The following TIMD4 variants were observed in gnomAD, a reference collection of about 807,000 sequenced individuals.
TIMD4 encodes the protein T cell immunoglobulin and mucin domain containing 4.
Under a neutral mutation model 41.2 loss-of-function variants are expected in TIMD4, and 31 were observed. The ratio of observed to expected loss-of-function variants is 0.75; its 90% confidence interval spans 0.57 to 1.01. The LOEUF is 1.01. TIMD4 is among the 50% of genes least tolerant of loss of function. TIMD4 has a pLI of 0.00. For synonymous variants in TIMD4, 204 were observed against 177.1 expected (o/e 1.15, Z -1.21); for missense variants, 479 against 472.5 (o/e 1.01, Z -0.13).
intron 1 of TIMD4, among the ~76,000 whole-genome samples, chr5:156,956,114 T>A (rs746947658): frequency 6.6e-6 from 1 of 152,168 alleles, no homozygotes; most frequent in Non-Finnish European, 1.5e-5. Context: ...TTAATCAACA[T>A]CTCCCCTTTC....
intron 2 of TIMD4, 34 bp from the exon 3 acceptor site, chr5:156,951,824 C>T (rs374465220): frequency 4.3e-5 from 69 of 1,610,320 alleles, no homozygotes; most frequent in Non-Finnish European, 5.3e-5. Context: ...TGGCACCAAG[C>T]GGAGATGGAG....
chr5:156,925,194 C>A (rs1759324024), intron 6 of TIMD4, among the ~76,000 whole-genome samples: 1 of 152,176 alleles, frequency 6.6e-6, no homozygotes, highest in Non-Finnish European at 1.5e-5. Flanking sequence ...CCTGTAATCC[C>A]AGCTACTCAG....
chr5:156,955,485 T>C (rs1759954922), intron 1 of TIMD4, among the ~76,000 whole-genome samples: 1 of 152,004 alleles, frequency 6.6e-6, no homozygotes, highest in Non-Finnish European at 1.5e-5. Flanking sequence ...TGAAACCCCG[T>C]CTCTACTAAA....
At chr5:156,947,909 T>C (rs1759773723) in intron 5 of TIMD4, among the ~76,000 whole-genome samples, 1 of 152,224 alleles carries the variant, frequency 6.6e-6, no homozygotes, top group South Asian at 2.1e-4. Context: ...TAGTGTGACA[T>C]TTGTGTAATT....
At chr5:156,951,404 A>G (rs1360127087) in intron 3 of TIMD4, 108 bp downstream of exon 3, 1 of 1,324,962 alleles carries the variant, frequency 7.5e-7, no homozygotes, top group Non-Finnish European at 1.0e-6. Context: ...TAATATACGC[A>G]TGTGTACACG....
chr5:156,922,754 C>CAG (rs1759267635), intron 6 of TIMD4, among the ~76,000 whole-genome samples: 1 of 150,040 alleles, frequency 6.7e-6, no homozygotes, highest in Admixed American at 6.7e-5. Context: ...GATGTCATTG[C>CAG]TGTCACTTAC....
In TIMD4 at chr5:156,948,173, T is replaced by G. The variant is rs1759779093; in HGVS notation, c.844+243A>C. On this transcript the variant is annotated intron_variant, in intron 5 of 8. Coordinates refer to ENST00000274532, the MANE Select transcript of TIMD4 (RefSeq NM_138379.3). ...CAAGACAACCAGATAGATGACAGAT[T>G]GTTTCCACATCCAAAGACAAGCCAC... Among the ~76,000 whole-genome samples, 6 of 152,096 alleles carry G rather than the reference T, an allele frequency of 3.9e-5. No homozygotes were observed. In the South Asian group the frequency reaches 1.2e-3, roughly 32 times the overall value.
intron 1 of TIMD4, among the ~76,000 whole-genome samples, chr5:156,957,764 G>C (rs924506969): frequency 6.6e-6 from 1 of 152,040 alleles, no homozygotes; most frequent in Non-Finnish European, 1.5e-5. Context: ...GGAGTTTGAG[G>C]CTGCAGTGAG....
intron 5 of TIMD4, among the ~76,000 whole-genome samples, chr5:156,936,875 T>A (rs993320465): frequency 1.4e-5 from 2 of 142,532 alleles, no homozygotes; most frequent in African/African-American, 5.4e-5. Context: ...GAGGTTGCAG[T>A]GAGCCGAGAT....
At chr5:156,926,379 T>C (rs1470308604) in intron 5 of TIMD4, 67 bp from the exon 6 acceptor site, 18 of 1,534,352 alleles carry the variant, frequency 1.2e-5, no homozygotes, top group Non-Finnish European at 1.4e-5. Context: ...CATCCTGAAA[T>C]AGGTAATTAA....
At position 156,919,468 on chromosome 5, in the gene TIMD4, A is replaced by C. The variant is rs757498315; in HGVS notation, c.1126T>G (p.Phe376Val). The C allele has an allele frequency of 1.4e-5, 22 of 1,613,938 alleles. No homozygotes were observed. The highest frequency in any genetic ancestry group is 1.7e-5 in the Non-Finnish European group (20 of 1,179,944). ...ATGCTACTGCGTTGTTAGAGGGTAA[A>C]AAGGCCGTCTTCGTCTTCCCTTCCA... ...QHGREDEDGL[F>V]TL The change falls in exon 9 of 9, where the codon TTT becomes GTT. Residue 376 changes from phenylalanine to valine, a missense_variant. By Grantham distance (50) the Phe-to-Val change is conservative. Coordinates refer to ENST00000274532, the MANE Select transcript of TIMD4 (RefSeq NM_138379.3).
chr5:156,949,843 A>C, intron 3 of TIMD4, 112 bp from the exon 4 acceptor site: 1 of 668,042 alleles, frequency 1.5e-6, no homozygotes, highest in South Asian at 1.6e-5. Context: ...TTTGAAACAG[A>C]GTCTTGCTCT....
At position 156,951,807 on chromosome 5, in the gene TIMD4, A is replaced by G. The variant is rs1759865918; in HGVS notation, c.401-17T>C. ...TTGTTGAGGCTGTAACCAACAACAG[A>G]CATGTTTGGCACCAAGCGGAGATGG... is the stretch of plus-strand genomic sequence containing the variant. On this transcript the variant is annotated splice_polypyrimidine_tract_variant and intron_variant, in intron 2 of 8. Transcript: ENST00000274532. 1.2e-6 allele frequency: 2 copies of G among 1,613,416 alleles called. No individual in the cohort carries two copies. The highest frequency in any genetic ancestry group is 1.7e-6 in the Non-Finnish European group (2 of 1,179,558).
intron 5 of TIMD4, among the ~76,000 whole-genome samples, chr5:156,927,054 C>T (rs1286080053): frequency 1.3e-5 from 2 of 152,128 alleles, no homozygotes; most frequent in Non-Finnish European, 1.5e-5. Flanking sequence ...GAAGAGAGAC[C>T]GAAAGATGAT....
rs1430507637 is a variant in TIMD4 at position 156,919,561 on chromosome 5, G to A, written c.1053-20C>T. 1.3e-6 allele frequency: 2 copies of A among 1,593,854 alleles called. No homozygotes were observed. Among genetic ancestry groups the A allele is most frequent in the Non-Finnish European group, 1.7e-6 (2 of 1,162,794 alleles). ...TCTAGCCTGTAAACAGAAAAGAGGG[G>A]CTCATAATGGGAAACACAAGACTAG... On this transcript the variant is annotated intron_variant, in intron 8 of 8. Transcript: ENST00000274532.
intron 6 of TIMD4, chr5:156,924,609 ATAT>A (rs1339611840): frequency 4.2e-6 from 1 of 237,112 alleles, no homozygotes; most frequent in Non-Finnish European, 8.8e-6. Context: ...CAGAAAGGAG[ATAT>A]TATATGACCA....
In TIMD4 at chr5:156,949,733, T is replaced by C; in HGVS notation, c.680-2A>G. On this transcript the variant is annotated splice_acceptor_variant, in intron 3 of 8. Transcript: ENST00000274532. LOFTEE classifies it high-confidence loss of function. ...CACTGGGGAGGACAGTTTCTGATTC[T>C]GGAAGAGAAAAAAGTTGGATAAAAG... is the stretch of plus-strand genomic sequence containing the variant. 1.9e-6 allele frequency: 3 copies of C among 1,610,216 alleles called. No homozygotes were observed. The highest frequency in any genetic ancestry group is 2.5e-6 in the Non-Finnish European group (3 of 1,176,662).
chr5:156,924,392 G>T (rs2113341918), intron 6 of TIMD4: 1 of 403,714 alleles, frequency 2.5e-6, no homozygotes, highest in East Asian at 6.9e-5. Context: ...TGTAAAGTTT[G>T]GTTCAATGGG....
intron 5 of TIMD4, among the ~76,000 whole-genome samples, chr5:156,943,399 AC>A (rs1759681072): frequency 6.6e-6 from 1 of 152,182 alleles, no homozygotes; most frequent in South Asian, 2.1e-4. Flanking sequence ...CAAATAACTC[AC>A]CTGAGATTCT....
Sources: gnomAD v4.1 joint callset for allele counts (sites outside exome capture counted in the v4.1 genomes callset) on GRCh38, gnomAD v4.1.1 for gene constraint, MANE v1.5 for transcripts, NCBI Gene and HGNC (gene_info 2026-07-23, HGNC 2026-07-21) for gene names.